Variants in ATG2B observed in about 807,000 individuals in gnomAD.
ATG2B encodes the protein autophagy-related protein 2 homolog B.
A neutral mutation model predicts 241.3 loss-of-function variants in ATG2B; 121 were observed. That is an observed-to-expected ratio of 0.50 (90% confidence interval 0.43 to 0.58). The LOEUF (loss-of-function observed/expected upper bound fraction) is 0.58, where lower values mean the gene tolerates loss of function less well. Among genes scored for constraint, ATG2B ranks in the 20% least tolerant of loss-of-function variants. The pLI is 0.00. For missense variants in ATG2B, 2,306 were observed against 2,491.6 expected (o/e 0.93, Z 1.59); for synonymous variants, 858 against 876.6 (o/e 0.98, Z 0.37).
Position 96,328,537 on chromosome 14 carries a change from T to C in ATG2B, c.1975-2A>G, listed in dbSNP as rs61985185. On this transcript the variant is annotated splice_acceptor_variant, in intron 13 of 41. Coordinates refer to ENST00000359933, the MANE Select transcript of ATG2B (RefSeq NM_018036.7). LOFTEE classifies it high-confidence loss of function. The stretch of plus-strand genomic sequence containing the variant: ...TGAACTAAGTCTTGCTTGATTACCC[T>C]TTTAAAAAAAAAAAAGAAAAGGCAT... 6.3e-7 allele frequency: 1 copy of C among 1,577,644 alleles called. No homozygotes were observed. Among genetic ancestry groups the C allele is most frequent in the Non-Finnish European group, 8.6e-7 (1 of 1,167,498 alleles).
rs1886233420 is a variant in ATG2B, at chr14:96,282,788, G to C, written c.*2967C>G. 6.6e-6 allele frequency: 1 copy of C among 152,198 alleles called. No homozygotes were observed. Among genetic ancestry groups the C allele is most frequent in the Admixed American group, 6.5e-5 (1 of 15,286 alleles). The allele number at this position is 152,198 out of a possible 1,614,324, so 9.4% of individuals were successfully genotyped here. On this transcript the variant is annotated 3_prime_UTR_variant, in exon 42 of 42. Coordinates refer to ENST00000359933, the MANE Select transcript of ATG2B (RefSeq NM_018036.7). ...CGTTTTTAAAGGAGATAGTTAAAAA[G>C]TAATGCCCTAAAAGCCAGAAATATT...
At chr14:96,318,908 T>A (rs1305807186) in intron 18 of ATG2B, among the ~76,000 whole-genome samples, 1 of 152,222 alleles carries the variant, frequency 6.6e-6, no homozygotes, top group Admixed American at 6.5e-5. Flanking sequence ...TTCCCCTTTT[T>A]AGACTGCAAG....
intron 18 of ATG2B, among the ~76,000 whole-genome samples, chr14:96,320,354 TG>T (rs1286678066): frequency 6.6e-6 from 1 of 152,092 alleles, no homozygotes; most frequent in African/African-American, 2.4e-5. Flanking sequence ...TAATGCAGAC[TG>T]GGGTAAAAAA....
chr14:96,294,917 A>C (rs1003351798), intron 36 of ATG2B, 43 bp downstream of exon 36: 2 of 1,574,216 alleles, frequency 1.3e-6, no homozygotes, highest in African/African-American at 2.7e-5. Context: ...AATCTTCAAA[A>C]GTCTAAAATA....
Position 96,335,454 on chromosome 14 carries a change from T to C in ATG2B, c.925-953A>G, listed in dbSNP as rs181342354. On this transcript the variant is annotated intron_variant, in intron 6 of 41. Coordinates refer to ENST00000359933, the MANE Select transcript of ATG2B (RefSeq NM_018036.7). ...TAAAATAAATCATTATTATCACTTTTATTTTTAGCATTGGGGTACCATGCT... is the reference window on the plus strand; with the variant it reads ...TAAAATAAATCATTATTATCACTTTCATTTTTAGCATTGGGGTACCATGCT... 5.3e-3 allele frequency among the ~76,000 whole-genome samples: 803 copies of C among 152,342 alleles called. 3 individuals are homozygous for C. Among genetic ancestry groups the C allele is most frequent in the Non-Finnish European group, 7.8e-3 (534 of 68,032 alleles).
rs765735062 is a variant in ATG2B, at chr14:96,332,364, G to A, written c.1409C>T (p.Pro470Leu). The A allele has an allele frequency of 6.2e-7, 1 of 1,613,880 alleles. No homozygotes were observed. Among genetic ancestry groups the A allele is most frequent in the Non-Finnish European group, 8.5e-7 (1 of 1,179,812 alleles). ...GEFLDHHKEQ[P>L]VRGSTFPSNL... Reference sequence around the variant, plus strand: ...GGATGGAAATGTTGACCCTCTTACTGGCTGTTCTTTATGATGATCAAGGAA... The same window carrying A: ...GGATGGAAATGTTGACCCTCTTACTAGCTGTTCTTTATGATGATCAAGGAA... Residue 470 changes from proline (P) to leucine (L), a missense_variant, in exon 10 of 42, where the codon CCA (proline) becomes CTA (leucine). Around this residue, in one of 2 missense-constraint regions of ATG2B, gnomAD observed 1,927 missense variants for 2,011.2 expected, o/e 0.96. Transcript: ENST00000359933.
At chr14:96,308,049 T>C (rs1223921272) in intron 29 of ATG2B, among the ~76,000 whole-genome samples, 2 of 151,084 alleles carry the variant, frequency 1.3e-5, no homozygotes. Context: ...TCCTTACAGG[T>C]ACCCAGGGCC....
chr14:96,351,629 G>C (rs150028213), intron 1 of ATG2B, among the ~76,000 whole-genome samples: 151 of 152,020 alleles, frequency 9.9e-4, no homozygotes, highest in African/African-American at 3.4e-3. Context: ...CCAGCTACTC[G>C]GGAGGCTGAG....
chr14:96,295,611 T>G (rs186691293), intron 34 of ATG2B, 51 bp from the exon 35 acceptor site: 1 of 1,231,072 alleles, frequency 8.1e-7, no homozygotes, highest in Admixed American at 2.2e-5. Context: ...ATCACCTATT[T>G]CTAAAACTAT....
chr14:96,327,492 A>G (rs1887615940), intron 14 of ATG2B, among the ~76,000 whole-genome samples: 1 of 152,128 alleles, frequency 6.6e-6, no homozygotes, highest in Admixed American at 6.5e-5. Flanking sequence ...GATGTTCAAT[A>G]GATTATTTTC....
At chr14:96,318,441 C>T (rs1166170263) in intron 18 of ATG2B, 1 of 152,156 alleles carries the variant, frequency 6.6e-6, no homozygotes, top group Admixed American at 6.5e-5. Flanking sequence ...AGATTACATC[C>T]AGCTCCCAAT....
intron 1 of ATG2B, among the ~76,000 whole-genome samples, chr14:96,359,471 T>G (rs1440731558): frequency 6.6e-6 from 1 of 152,214 alleles, no homozygotes; most frequent in Non-Finnish European, 1.5e-5. Flanking sequence ...TTTAGTTCAC[T>G]GCTATATCCC....
rs1477242636 is a variant in ATG2B at position 96,322,901 on chromosome 14, GTAAACTT to G, written c.2541-173_2541-167del. ...AAGGTAACCCACTTATGAACATGTT[GTAAACTT>G]ACAAGTGTGGAACTGAAACAAGTAA... On this transcript the variant is annotated intron_variant, in intron 16 of 41. Transcript: ENST00000359933. Among the ~76,000 whole-genome samples the G allele has an allele frequency of 2.6e-5, 4 of 152,278 alleles. No individual in the cohort carries two copies. In the East Asian group the frequency reaches 7.7e-4, roughly 29 times the overall value.
chr14:96,347,451 G>C, intron 1 of ATG2B, 110 bp from the exon 2 acceptor site: 1 of 752,798 alleles, frequency 1.3e-6, no homozygotes. Context: ...TAGGTATAAA[G>C]AAAGCAGAGA....
At chr14:96,322,286 G>T in intron 17 of ATG2B, 32 bp from the exon 18 acceptor site, 1 of 1,565,260 alleles carries the variant, frequency 6.4e-7, no homozygotes, top group South Asian at 1.2e-5. Context: ...CAAAAAAAAA[G>T]GCATCCATGT....
intron 18 of ATG2B, among the ~76,000 whole-genome samples, chr14:96,318,057 T>C (rs532390231): frequency 1.2e-4 from 18 of 152,344 alleles, no homozygotes; most frequent in Middle Eastern, 3.4e-3. Flanking sequence ...ATGGCTATAA[T>C]GCAGGGCAGT....
chr14:96,343,043 G>T, intron 5 of ATG2B, 76 bp downstream of exon 5: 2 of 1,181,892 alleles, frequency 1.7e-6, no homozygotes, highest in Non-Finnish European at 2.3e-6. Context: ...ATACATCCTA[G>T]CAAAATTTAA....
rs1806839562 is a variant in ATG2B at position 96,284,772 on chromosome 14, C to A, written c.*983G>T. On this transcript the variant is annotated 3_prime_UTR_variant, in exon 42 of 42. Transcript: ENST00000359933. ...CACCTTTAAATAAAAATACTTTATT[C>A]ATTCCTGATAGGTTATCAAAATGTA... The A allele has an allele frequency of 6.6e-6, 1 of 152,196 alleles. No homozygotes were observed. 9.4% of individuals were successfully genotyped at this position (152,196 alleles called of 1,614,324 possible).
chr14:96,338,128 G>A (rs996408518), intron 6 of ATG2B, among the ~76,000 whole-genome samples: 7 of 151,966 alleles, frequency 4.6e-5, no homozygotes, highest in African/African-American at 1.7e-4. Flanking sequence ...ATTCGTGTAC[G>A]CTGATTTTGT....
Sources: allele counts gnomAD v4.1 joint callset (sites outside exome capture counted in the v4.1 genomes callset), GRCh38; gene constraint gnomAD v4.1.1; regional missense constraint gnomAD v4.1.1; transcripts MANE v1.5; gene names NCBI Gene and HGNC (gene_info 2026-07-23, HGNC 2026-07-21).